The following FGFR2 variants were observed in gnomAD, a reference collection of about 807,000 sequenced individuals.
FGFR2 encodes the protein BEK fibroblast growth factor receptor.
In FGFR2, 19 loss-of-function variants were observed where a neutral mutation model predicts 95.9. The ratio of observed to expected loss-of-function variants is 0.20; its 90% CI spans 0.14 to 0.29. The LOEUF (loss-of-function observed/expected upper bound fraction) is 0.29, where lower values mean the gene tolerates loss of function less well. Ranked by LOEUF, FGFR2 falls within the 10% of genes least tolerant of loss-of-function variation. The probability of loss-of-function intolerance (pLI) is 1.00; values close to 1 mark genes in which losing one functional copy is unlikely to be tolerated. For synonymous variants in FGFR2, 392 were observed against 393.3 expected (o/e 1.00, Z 0.04); for missense variants, 707 against 1,056.9 (o/e 0.67, Z 4.59).
chr10:121,484,018 G>T (rs976890060), intron 16 of FGFR2, among the ~76,000 whole-genome samples: 1 of 151,866 alleles, frequency 6.6e-6, no homozygotes, highest in Admixed American at 6.6e-5. Context: ...TGTTAGAAAG[G>T]CATCGAAGCC....
At chr10:121,495,821 G>A (rs1201087691) in intron 13 of FGFR2, among the ~76,000 whole-genome samples, 2 of 152,236 alleles carry the variant, frequency 1.3e-5, no homozygotes, top group Non-Finnish European at 1.5e-5. Context: ...AGGCAGCTCC[G>A]CCCCTCCGCT....
At chr10:121,488,736 TCCAG>T (rs1845757457) in intron 13 of FGFR2, among the ~76,000 whole-genome samples, 1 of 152,184 alleles carries the variant, frequency 6.6e-6, no homozygotes, top group East Asian at 1.9e-4. Context: ...CCTCCAGTTG[TCCAG>T]CCACACCAGT....
At chr10:121,512,731 T>TGTAACCTGATTTATACCCC (rs1291927173) in intron 9 of FGFR2, among the ~76,000 whole-genome samples, 1 of 152,120 alleles carries the variant, frequency 6.6e-6, no homozygotes, top group African/African-American at 2.4e-5. Context: ...GTGTCTTACA[T>TGTAACCTGATTTATACCCC]GTAACCTGAT....
chr10:121,558,606 T>G (rs1184792340), intron 4 of FGFR2, among the ~76,000 whole-genome samples: 1 of 150,294 alleles, frequency 6.7e-6, no homozygotes, highest in African/African-American at 2.5e-5. Context: ...AGATACAGTT[T>G]TTTGTTTTTT....
chr10:121,512,629 A>G (rs1000285733), intron 9 of FGFR2, among the ~76,000 whole-genome samples: 1 of 152,082 alleles, frequency 6.6e-6, no homozygotes, highest in African/African-American at 2.4e-5. Context: ...TCCTGGGTTC[A>G]AAGGATCCTC....
intron 5 of FGFR2, among the ~76,000 whole-genome samples, chr10:121,541,364 C>T (rs2134655680): frequency 6.6e-6 from 1 of 152,288 alleles, no homozygotes; most frequent in East Asian, 1.9e-4. Flanking sequence ...TAGGGGATAT[C>T]CTACCATTGA....
chr10:121,574,037 C>G (rs1447909131), intron 2 of FGFR2, among the ~76,000 whole-genome samples: 3 of 152,184 alleles, frequency 2.0e-5, no homozygotes, highest in African/African-American at 7.2e-5. Flanking sequence ...CCAACTGGCC[C>G]TCTTAGTCTG....
intron 5 of FGFR2, among the ~76,000 whole-genome samples, chr10:121,547,420 A>T: frequency 6.8e-6 from 1 of 146,676 alleles, no homozygotes; most frequent in Non-Finnish European, 1.5e-5. Flanking sequence ...TTTTTGACAG[A>T]GTCTTCCTCT....
chr10:121,498,377 A>G, intron 12 of FGFR2, 118 bp downstream of exon 12: 2 of 741,944 alleles, frequency 2.7e-6, no homozygotes, highest in Non-Finnish European at 4.9e-6. Flanking sequence ...TTTTAAAAAG[A>G]ACTTTAAACA....
chr10:121,550,157 C>G (rs751811499), intron 5 of FGFR2, among the ~76,000 whole-genome samples: 5 of 152,210 alleles, frequency 3.3e-5, no homozygotes, highest in Non-Finnish European at 7.3e-5. Flanking sequence ...CCTTTCCTGA[C>G]CTCCTTTCTC....
chr10:121,487,218 TTTCTAAGGCCAGCTCCTGCACC>T lies in FGFR2; in HGVS notation c.2057+114_2057+135del, dbSNP rs3214540. On this transcript the variant is annotated intron_variant, in intron 15 of 17. Transcript: ENST00000358487. ...TATCAGCCTACCATAAAATCTGTCC[TTTCTAAGGCCAGCTCCTGCACC>T]TTCTACGAATGTGTGAAATGCAGCA... The T allele has an allele frequency of 0.55, 471,223 of 852,778 alleles. 130,336 individuals carry two copies. The highest frequency in any genetic ancestry group is 0.68 in the Admixed American group (34,580 of 50,954). 52.8% of individuals were successfully genotyped at this position (852,778 alleles called of 1,614,324 possible). A position where few individuals can be genotyped will look rare whatever the true frequency, so the allele number is the denominator to read the frequency against.
chr10:121,590,090 CTCACGTTGG>C (rs1390096880), intron 2 of FGFR2, among the ~76,000 whole-genome samples: 2 of 152,050 alleles, frequency 1.3e-5, no homozygotes, highest in Non-Finnish European at 2.9e-5. Context: ...TCTGGACCAA[CTCACGTTGG>C]TCCAGGAGAG....
intron 4 of FGFR2, 133 bp downstream of exon 4, chr10:121,564,369 T>C (rs1165067041): frequency 8.8e-6 from 7 of 799,748 alleles, no homozygotes; most frequent in Non-Finnish European, 1.5e-5. Context: ...GTCAGGAAAG[T>C]AGACACAGCG....
At chr10:121,591,009 A>G (rs2981583) in intron 2 of FGFR2, among the ~76,000 whole-genome samples, 76,214 of 142,596 alleles carry the variant, frequency 0.53, 19,374 homozygotes, top group South Asian at 0.6. Flanking sequence ...ACACACACGC[A>G]CACTCTCTCT....
chr10:121,577,174 TATATAGAG>T (rs1173885378), intron 2 of FGFR2, among the ~76,000 whole-genome samples: 4 of 4,800 alleles, frequency 8.3e-4, no homozygotes, highest in Non-Finnish European at 1.1e-3. Context: ...TATATATATA[TATATAGAG>T]AGAGAGAGAG....
chr10:121,542,969 A>G (rs1483075686), intron 5 of FGFR2, among the ~76,000 whole-genome samples: 1 of 152,186 alleles, frequency 6.6e-6, no homozygotes, highest in East Asian at 1.9e-4. Context: ...AAATCCAGAC[A>G]TTTCCAAATA....
chr10:121,522,265 T>C (rs1308268199), intron 6 of FGFR2, among the ~76,000 whole-genome samples: 2 of 152,172 alleles, frequency 1.3e-5, no homozygotes, highest in Non-Finnish European at 1.5e-5. Flanking sequence ...GAAAACTTAG[T>C]TGAAGACCAG....
chr10:121,581,933 A>AT (rs1554861668), intron 2 of FGFR2, among the ~76,000 whole-genome samples: 17,855 of 113,094 alleles, frequency 0.16, 1,580 homozygotes, highest in African/African-American at 0.34. Flanking sequence ...ATTTATTTTG[A>AT]TTTTTTTTTT....
At position 121,478,416 on chromosome 10, in the gene FGFR2, A is replaced by C. The variant is rs1844279808; in HGVS notation, c.*1441T>G. Reference sequence around the variant, plus strand: ...CATTTTTATTGTCAGTATAAAAATTAACAGGTTTTATTAAATACTTTCTCC... The same window carrying C: ...CATTTTTATTGTCAGTATAAAAATTCACAGGTTTTATTAAATACTTTCTCC... On this transcript the variant is annotated 3_prime_UTR_variant, in exon 18 of 18. Transcript: ENST00000358487. 4.3e-6 allele frequency: 1 copy of C among 233,500 alleles called. No individual in the cohort carries two copies. Among genetic ancestry groups the C allele is most frequent in the East Asian group, 6.1e-5 (1 of 16,502 alleles). 14.5% of individuals were successfully genotyped at this position (233,500 alleles called of 1,614,324 possible).
Sources: gnomAD v4.1 joint callset for allele counts (sites outside exome capture counted in the v4.1 genomes callset) on GRCh38, gnomAD v4.1.1 for gene constraint, MANE v1.5 for transcripts, NCBI Gene and HGNC (gene_info 2026-07-23, HGNC 2026-07-21) for gene names.